Variants in CCDC57 observed in about 807,000 individuals in gnomAD.
CCDC57 encodes coiled-coil domain containing 57.
CCDC57 carries 118 observed loss-of-function variants against 118.9 expected under a neutral mutation model. That is an observed-to-expected ratio of 0.99 (90% confidence interval 0.86 to 1.16). The LOEUF (loss-of-function observed/expected upper bound fraction) is 1.16, where lower values mean the gene tolerates loss of function less well. CCDC57 is among the 50% of genes most tolerant of loss of function. The pLI is 0.00. For missense variants in CCDC57, 1,300 were observed against 1,320.7 expected, an observed-to-expected ratio of 0.98 and a Z score of 0.24; for synonymous variants, 527 against 532.9, an observed-to-expected ratio of 0.99 and a Z score of 0.15.
chr17:82,138,690 G>GGTCGGAAGAGACGCGTGGCCTGCCCCGA (rs1400632578), intron 16 of CCDC57, among the ~76,000 whole-genome samples: 4 of 151,546 alleles, frequency 2.6e-5, no homozygotes, highest in Non-Finnish European at 4.4e-5. Flanking sequence ...GCCTGCCCCG[G>GGTCGGAAGAGACGCGTGGCCTGCCCCGA]GTCGGAAGAG....
chr17:82,121,426 T>C (rs2036663534), intron 19 of CCDC57, among the ~76,000 whole-genome samples: 1 of 152,006 alleles, frequency 6.6e-6, no homozygotes, highest in Non-Finnish European at 1.5e-5. Context: ...GGGCTCAGGG[T>C]CTAAGACTCT....
chr17:82,106,764 G>A (rs568381068), intron 19 of CCDC57, among the ~76,000 whole-genome samples: 4 of 152,344 alleles, frequency 2.6e-5, no homozygotes, highest in South Asian at 2.1e-4. Flanking sequence ...TAGACGACTC[G>A]TGGTCTCTGT....
chr17:82,153,363 C>T (rs2145887661), intron 15 of CCDC57: 1 of 152,314 alleles, frequency 6.6e-6, no homozygotes, highest in Non-Finnish European at 1.5e-5. Flanking sequence ...TTTTGCAAAC[C>T]TCAAAACACT....
chr17:82,182,525 T>C (rs1361849601), intron 9 of CCDC57, among the ~76,000 whole-genome samples: 1 of 151,584 alleles, frequency 6.6e-6, no homozygotes, highest in Non-Finnish European at 1.5e-5. Context: ...GGATAATTTT[T>C]GTATTTTTAG....
intron 4 of CCDC57, 131 bp from the exon 4 acceptor site, chr17:82,195,495 C>G: frequency 1.4e-6 from 1 of 724,594 alleles, no homozygotes; most frequent in Admixed American, 2.1e-5. Flanking sequence ...ACACACTGTC[C>G]AGGAGAGAAG....
intron 16 of CCDC57, chr17:82,134,474 G>T: frequency 3.3e-6 from 1 of 301,804 alleles, no homozygotes; most frequent in East Asian, 5.2e-5. Context: ...GCACCCAGAC[G>T]CCCTTTCTGT....
Position 82,193,717 on chromosome 17 carries a change from A to G in CCDC57, c.851+39T>C, listed in dbSNP as rs911589513. The G allele has an allele frequency of 3.9e-6, 6 of 1,545,568 alleles. No homozygotes were observed. The Admixed American group carries it at 9.6e-5, about 25-fold the overall frequency. On this transcript the variant is annotated intron_variant, in intron 7 of 19. Coordinates refer to ENST00000665763, the Ensembl canonical transcript of CCDC57. ...TCCACTTCCCTCCTCTCCTGGGGCC[A>G]CTGACATGCTGCATGATGTTGGGAG...
chr17:82,184,025 GCGCGCGCACACACACACACA>G (rs770025689), intron 8 of CCDC57, 93 bp from the exon 8 acceptor site: 14 of 388,330 alleles, frequency 3.6e-5, no homozygotes, highest in East Asian at 1.0e-4. Context: ...ATGCGCGCGC[GCGCGCGCACACACACACACA>G]CACACACACA....
At chr17:82,180,323 T>C (rs1349678481) in intron 9 of CCDC57, among the ~76,000 whole-genome samples, 2 of 152,092 alleles carry the variant, frequency 1.3e-5, no homozygotes, top group African/African-American at 2.4e-5. Flanking sequence ...CTGGCCATCA[T>C]TGATTCCAGC....
chr17:82,194,019 C>T lies in CCDC57; in HGVS notation c.739G>A (p.Gly247Arg), dbSNP rs376571892. 179 of 1,612,842 alleles carry T rather than the reference C, an allele frequency of 1.1e-4. 1 individual carries two copies. Among genetic ancestry groups the T allele is most frequent in the Admixed American group, 9.8e-4 (59 of 60,024 alleles). The change falls in exon 6 of 20, where the codon GGG becomes AGG. Residue 247 changes from glycine (G) to arginine (R), a missense_variant. Gly to Arg is a moderately radical substitution (Grantham distance 125). Coordinates refer to ENST00000665763, the Ensembl canonical transcript of CCDC57. ...ATGGCCTCCAGGTCCTGGAGCTCCC[C>T]GGCTCGGCTCTGGAGCTTCCTCTCC...
intron 3 of CCDC57, among the ~76,000 whole-genome samples, chr17:82,198,825 C>A (rs150527726): frequency 3.3e-5 from 5 of 151,340 alleles, no homozygotes; most frequent in African/African-American, 1.2e-4. Flanking sequence ...CCCGTCTCTA[C>A]AAAAAAATAC....
At position 82,165,091 on chromosome 17, in the gene CCDC57, G is replaced by A. The variant is rs745762322; in HGVS notation, c.1883-1734C>T. Among the ~76,000 whole-genome samples the A allele has an allele frequency of 1.1e-3, 169 of 152,206 alleles. 1 individual carries two copies. The highest frequency in any genetic ancestry group is 1.0e-3 in the South Asian group (5 of 4,832). On this transcript the variant is annotated intron_variant, in intron 13 of 19. Transcript: ENST00000665763. ...AATCCCAGCTACACAGGAGGCCAAG[G>A]CAAGAAGATGGCTTGAGCCCAAGAG...
intron 19 of CCDC57, among the ~76,000 whole-genome samples, chr17:82,120,174 A>AT (rs34212153): frequency 0.33 from 48,730 of 148,820 alleles, 8,319 homozygotes; most frequent in African/African-American, 0.35. Context: ...TATTATTATT[A>AT]TTTTTTTTTT....
At chr17:82,129,782 C>T (rs1434975928) in intron 17 of CCDC57, among the ~76,000 whole-genome samples, 1 of 152,074 alleles carries the variant, frequency 6.6e-6, no homozygotes, top group Admixed American at 6.6e-5. Flanking sequence ...AGAGGAACCC[C>T]TTGGGAGGCT....
intron 19 of CCDC57, among the ~76,000 whole-genome samples, chr17:82,107,141 G>A (rs541987018): frequency 2.2e-4 from 34 of 152,364 alleles, no homozygotes; most frequent in Admixed American, 6.5e-4. Flanking sequence ...ACCTGCTCAG[G>A]ACACTGAGGG....
At chr17:82,134,087 G>C (rs2038823261) in exon 17 of CCDC57, 1 of 1,413,892 alleles carries the variant, frequency 7.1e-7, no homozygotes, top group Admixed American at 3.4e-5. Flanking sequence ...GATGTAAAAT[G>C]GGGCTGCACC....
At chr17:82,101,598 C>T in exon 20 of CCDC57, 1 of 1,174,022 alleles carries the variant, frequency 8.5e-7, no homozygotes, top group Non-Finnish European at 1.2e-6. Flanking sequence ...TGTGCCCACA[C>T]CCCCCCACAA....
In CCDC57 at chr17:82,192,176, G is replaced by A. The variant is rs181704076; in HGVS notation, c.851+1580C>T. Among the ~76,000 whole-genome samples the A allele has an allele frequency of 4.6e-5, 7 of 152,086 alleles. No homozygotes were observed. Among genetic ancestry groups the A allele is most frequent in the African/African-American group, 7.2e-5 (3 of 41,482 alleles). On this transcript the variant is annotated intron_variant, in intron 7 of 19. Transcript: ENST00000665763. The surrounding 1 kb of genome is among the most constrained non-coding windows in gnomAD (Gnocchi z 4.0). ...AATTTTGTATTTTTCGTAGAGACGG[G>A]GTTTCACCATGTTGGTCAGGCTGGT...
At chr17:82,191,814 G>T (rs2047697958) in intron 7 of CCDC57, among the ~76,000 whole-genome samples, 1 of 151,938 alleles carries the variant, frequency 6.6e-6, no homozygotes, top group Admixed American at 6.6e-5. Flanking sequence ...CTACAGGCGT[G>T]AGCTGTCACA....
Sources: gnomAD v4.1 joint callset for allele counts (sites outside exome capture counted in the v4.1 genomes callset) on GRCh38, gnomAD v4.1.1 for gene constraint, Gnocchi (gnomAD v3.1) non-coding constraint, MANE v1.5 for transcripts, NCBI Gene and HGNC (gene_info 2026-07-23, HGNC 2026-07-21) for gene names.